The following TAFA2 variants were observed in gnomAD, a reference collection of about 807,000 sequenced individuals.
TAFA2 encodes the protein chemokine-like protein TAFA-2.
TAFA2 carries 7 observed loss-of-function variants against 18.8 expected under a neutral mutation model. The observed-to-expected ratio is 0.37, with a 90% confidence interval of 0.21 to 0.70. The LOEUF (loss-of-function observed/expected upper bound fraction) is 0.70. Ranked by LOEUF, TAFA2 falls within the 30% of genes least tolerant of loss-of-function variation. TAFA2 has a pLI of 0.53. For missense variants in TAFA2, 122 were observed against 158.1 expected (o/e 0.77, Z 1.23); for synonymous variants, 60 against 54.2 (o/e 1.11, Z -0.47).
At chr12:62,082,473 G>A (rs888981807) in intron 1 of TAFA2, among the ~76,000 whole-genome samples, 1 of 152,030 alleles carries the variant, frequency 6.6e-6, no homozygotes, top group Non-Finnish European at 1.5e-5. Context: ...ATTCCAAGGG[G>A]CATAGCACAG....
At chr12:61,765,173 G>A (rs988724071) in intron 2 of TAFA2, among the ~76,000 whole-genome samples, 4 of 151,978 alleles carry the variant, frequency 2.6e-5, no homozygotes, top group African/African-American at 9.7e-5. Context: ...TCAAGTCCAG[G>A]CTTATAAAAA....
At chr12:61,911,564 G>A (rs559063573) in intron 1 of TAFA2, among the ~76,000 whole-genome samples, 18 of 152,158 alleles carry the variant, frequency 1.2e-4, no homozygotes, top group Non-Finnish European at 2.4e-4. Flanking sequence ...AACAGGCACT[G>A]AAGATCACCC....
chr12:62,187,020 A>C (rs2062590822), intron 1 of TAFA2, among the ~76,000 whole-genome samples: 1 of 152,146 alleles, frequency 6.6e-6, no homozygotes, highest in African/African-American at 2.4e-5. Context: ...GTATGATATC[A>C]ATATATTTCT....
intron 1 of TAFA2, among the ~76,000 whole-genome samples, chr12:62,173,555 A>G (rs2062493206): frequency 6.6e-6 from 1 of 152,360 alleles, no homozygotes; most frequent in East Asian, 1.9e-4. Flanking sequence ...GAAGCAGCAC[A>G]AAAGAAAGTG....
intron 4 of TAFA2, among the ~76,000 whole-genome samples, chr12:61,730,610 T>C (rs1870396396): frequency 6.6e-6 from 1 of 151,948 alleles, no homozygotes; most frequent in East Asian, 1.9e-4. Flanking sequence ...TATGGGGATG[T>C]GGTTCTCAGG....
intron 1 of TAFA2, among the ~76,000 whole-genome samples, chr12:61,937,278 T>C (rs1014026202): frequency 2.6e-5 from 4 of 151,994 alleles, no homozygotes; most frequent in African/African-American, 9.7e-5. Flanking sequence ...AATATCAACA[T>C]CATTTTTCAC....
At chr12:61,840,982 C>G (rs1331383429) in intron 2 of TAFA2, among the ~76,000 whole-genome samples, 2 of 152,086 alleles carry the variant, frequency 1.3e-5, no homozygotes, top group Non-Finnish European at 2.9e-5. Flanking sequence ...AAACCTAATA[C>G]TGGCACAAAG....
chr12:61,849,064 G>A (rs1873529318), intron 2 of TAFA2, among the ~76,000 whole-genome samples: 1 of 152,090 alleles, frequency 6.6e-6, no homozygotes. Context: ...GGCTGCTCAT[G>A]AACTCCTGAC....
At chr12:62,068,889 C>T (rs531282459) in intron 1 of TAFA2, among the ~76,000 whole-genome samples, 20 of 152,218 alleles carry the variant, frequency 1.3e-4, no homozygotes, top group Middle Eastern at 3.4e-3. Context: ...TAACTGAATG[C>T]ATCAGTGTTA....
At chr12:62,205,768 G>A (rs2062689173) in intron 1 of TAFA2, among the ~76,000 whole-genome samples, 1 of 152,128 alleles carries the variant, frequency 6.6e-6, no homozygotes, top group African/African-American at 2.4e-5. Flanking sequence ...CCCTCCCCCT[G>A]CAAACTCAGT....
intron 4 of TAFA2, among the ~76,000 whole-genome samples, chr12:61,725,024 G>A (rs553951670): frequency 6.6e-6 from 1 of 151,906 alleles, no homozygotes; most frequent in East Asian, 1.9e-4. Flanking sequence ...TTGTGGTTTT[G>A]ATTTGCATTT....
At chr12:61,881,178 C>T (rs895026862) in intron 1 of TAFA2, among the ~76,000 whole-genome samples, 2 of 152,098 alleles carry the variant, frequency 1.3e-5, no homozygotes, top group Admixed American at 6.5e-5. Context: ...AGGAATTACA[C>T]ATGGCTAGAA....
intron 1 of TAFA2, among the ~76,000 whole-genome samples, chr12:62,169,211 T>C (rs1592379112): frequency 6.6e-6 from 1 of 152,156 alleles, no homozygotes; most frequent in East Asian, 1.9e-4. Flanking sequence ...ATGTGCCTAG[T>C]TCTAAATGAA....
At chr12:61,755,061 G>A (rs369886714) in intron 2 of TAFA2, 37 bp from the exon 3 acceptor site, 3 of 1,605,134 alleles carry the variant, frequency 1.9e-6, no homozygotes, top group African/African-American at 1.3e-5. Context: ...CATTGAGAAA[G>A]CTTTGGACAC....
Position 61,938,944 on chromosome 12 carries a change from A to AC in TAFA2, c.-1-71519_-1-71518insG, listed in dbSNP as rs1269060838. Among the ~76,000 whole-genome samples, 3 of 152,074 alleles carry AC rather than the reference A, an allele frequency of 2.0e-5. No homozygotes were observed. The East Asian group carries it at 5.8e-4, about 29-fold the overall frequency. ...GAGGTGGGTGAGGGATTAAAAAAAA[A>AC]ACTACAAATAGGGTACAATGTACAC... is the stretch of plus-strand genomic sequence containing the variant. On this transcript the variant is annotated intron_variant, in intron 1 of 4. Transcript: ENST00000416284.
chr12:61,770,384 G>T (rs1352533477), intron 2 of TAFA2, among the ~76,000 whole-genome samples: 1 of 152,054 alleles, frequency 6.6e-6, no homozygotes, highest in Non-Finnish European at 1.5e-5. Flanking sequence ...GAAGCTCAAA[G>T]TACACCTGGG....
intron 1 of TAFA2, among the ~76,000 whole-genome samples, chr12:62,250,923 C>T (rs1347805809): frequency 7.3e-6 from 1 of 137,802 alleles, no homozygotes; most frequent in Non-Finnish European, 1.7e-5. Context: ...CAGGACCTGA[C>T]CTAATCCTCA....
chr12:62,050,554 AGAGT>A (rs1263298983), intron 1 of TAFA2, among the ~76,000 whole-genome samples: 1 of 151,956 alleles, frequency 6.6e-6, no homozygotes, highest in Non-Finnish European at 1.5e-5. Flanking sequence ...CCTGGGCGAC[AGAGT>A]GAGACTCTGT....
chr12:62,086,295 T>C (rs1009618554), intron 1 of TAFA2, among the ~76,000 whole-genome samples: 2 of 152,064 alleles, frequency 1.3e-5, no homozygotes, highest in Non-Finnish European at 2.9e-5. Flanking sequence ...AATAGGTAAT[T>C]TGGATTTCCT....
Sources: allele counts gnomAD v4.1 joint callset (sites outside exome capture counted in the v4.1 genomes callset), GRCh38; gene constraint gnomAD v4.1.1; transcripts MANE v1.5; gene names NCBI Gene and HGNC (gene_info 2026-07-23, HGNC 2026-07-21).